Variants in ARID3B observed in about 807,000 individuals in gnomAD.
ARID3B encodes AT-rich interactive domain-containing protein 3B.
In ARID3B, 10 loss-of-function variants were observed where a neutral mutation model predicts 51.9. The ratio of observed to expected loss-of-function variants is 0.19; its 90% CI spans 0.12 to 0.33. The LOEUF is 0.33. Ranked by LOEUF, ARID3B falls within the 10% of genes least tolerant of loss-of-function variation. The pLI is 1.00. For synonymous variants in ARID3B, 205 were observed against 279.5 expected (o/e 0.73, Z 2.66); for missense variants, 483 against 716.3 (o/e 0.67, Z 3.72).
Position 74,597,252 on chromosome 15 carries a change from C to T in ARID3B, c.*1478C>T, listed in dbSNP as rs1055371643. ...CTGTGCTGTAAAGAAAATTGATTCG[C>T]TTGCGGCTCACCTCAGTCGAGGAAG... On this transcript the variant is annotated 3_prime_UTR_variant, in exon 9 of 9. Transcript: ENST00000346246. The T allele has an allele frequency of 3.1e-4, 116 of 377,650 alleles. No homozygotes were observed. Among genetic ancestry groups the T allele is most frequent in the Non-Finnish European group, 5.0e-4 (101 of 202,492 alleles). The allele number at this position is 377,650 out of a possible 1,614,324, so 23.4% of individuals were successfully genotyped here.
In ARID3B at chr15:74,583,052, T is replaced by C. The variant is rs569132809; in HGVS notation, c.698-6768T>C. On this transcript the variant is annotated intron_variant, in intron 4 of 8. Transcript: ENST00000346246. ...CTACCAAAAAAAAAAAAAAAAAAAT[T>C]AGCTGGATGTGGTGGCACCTGCCTG... is the stretch of plus-strand genomic sequence containing the variant. 2.7e-5 allele frequency among the ~76,000 whole-genome samples: 4 copies of C among 149,440 alleles called. No individual in the cohort carries two copies. The East Asian group carries it at 7.9e-4, about 30-fold the overall frequency.
chr15:74,579,870 T>TGTGC (rs1472051801), intron 4 of ARID3B, among the ~76,000 whole-genome samples: 7 of 121,712 alleles, frequency 5.8e-5, no homozygotes, highest in South Asian at 4.8e-4. Context: ...TGTGTGTGTG[T>TGTGC]GTGCGCGCGC....
chr15:74,582,522 C>G (rs2061765702), intron 4 of ARID3B, among the ~76,000 whole-genome samples: 2 of 152,168 alleles, frequency 1.3e-5, no homozygotes, highest in Admixed American at 1.3e-4. Context: ...TACCGTTGAA[C>G]TTCACCTAAA....
At position 74,596,943 on chromosome 15, in the gene ARID3B, C is replaced by T. The variant is rs1340148807; in HGVS notation, c.*1169C>T. ...GGTGGGTGGAGGCATGCAGGGGAGACGACTCAGGGATCGCGGGGGCGGGGA... is the reference window on the plus strand; with the variant it reads ...GGTGGGTGGAGGCATGCAGGGGAGATGACTCAGGGATCGCGGGGGCGGGGA... On this transcript the variant is annotated 3_prime_UTR_variant, in exon 9 of 9. Transcript: ENST00000346246. 5 of 233,822 alleles carry T rather than the reference C, an allele frequency of 2.1e-5. No individual in the cohort carries two copies. Among genetic ancestry groups the T allele is most frequent in the East Asian group, 6.0e-5 (1 of 16,594 alleles). The allele number at this position is 233,822 out of a possible 1,614,324, so 14.5% of individuals were successfully genotyped here.
chr15:74,594,317 G>A (rs1335271282), intron 8 of ARID3B, among the ~76,000 whole-genome samples: 5 of 152,088 alleles, frequency 3.3e-5, no homozygotes, highest in Middle Eastern at 6.4e-3. Context: ...GCGTGGGGGC[G>A]GGTGCCTGTA....
chr15:74,546,837 C>T (rs1472470218), intron 2 of ARID3B, among the ~76,000 whole-genome samples: 2 of 152,146 alleles, frequency 1.3e-5, no homozygotes, highest in African/African-American at 2.4e-5. Flanking sequence ...TGACTTAAAC[C>T]GTCAGATGTG....
At chr15:74,564,831 G>C (rs1018844329) in intron 2 of ARID3B, among the ~76,000 whole-genome samples, 3 of 151,874 alleles carry the variant, frequency 2.0e-5, no homozygotes, top group African/African-American at 7.3e-5. Flanking sequence ...AAACTCCTGG[G>C]CTCAAGTGAT....
At position 74,552,083 on chromosome 15, in the gene ARID3B, A is replaced by C. The variant is rs1596250969; in HGVS notation, c.552+7595A>C. Among the ~76,000 whole-genome samples the C allele has an allele frequency of 4.9e-5, 5 of 101,440 alleles. No homozygotes were observed. In the South Asian group the frequency reaches 1.8e-3, roughly 36 times the overall value. 66.5% of individuals were successfully genotyped at this position (101,440 alleles called of 152,430 possible). Reference sequence around the variant, plus strand: ...TTTTTTTTTTTTTTTTTTTTCTGAGACGGAGTCTCGCTCTGCCGCCCAGGC... The same window carrying C: ...TTTTTTTTTTTTTTTTTTTTCTGAGCCGGAGTCTCGCTCTGCCGCCCAGGC... On this transcript the variant is annotated intron_variant, in intron 2 of 8. Coordinates refer to ENST00000346246, the MANE Select transcript of ARID3B (RefSeq NM_006465.4).
chr15:74,566,466 G>T (rs769656580), intron 2 of ARID3B, among the ~76,000 whole-genome samples: 6 of 151,992 alleles, frequency 3.9e-5, no homozygotes, highest in Non-Finnish European at 7.4e-5. Flanking sequence ...AGCTGGGCAT[G>T]GTGGCGCGTG....
chr15:74,587,473 G>A (rs2061785738), intron 4 of ARID3B, among the ~76,000 whole-genome samples: 1 of 152,178 alleles, frequency 6.6e-6, no homozygotes, highest in African/African-American at 2.4e-5. Context: ...GTGGGGAAAG[G>A]GAGCTAGTTT....
chr15:74,559,837 A>C (rs2061672350), intron 2 of ARID3B, among the ~76,000 whole-genome samples: 1 of 152,002 alleles, frequency 6.6e-6, no homozygotes, highest in Admixed American at 6.6e-5. Flanking sequence ...GATTTAATAT[A>C]ACTATAAACA....
At position 74,543,946 on chromosome 15, in the gene ARID3B, C is replaced by T. The variant is rs765768391; in HGVS notation, c.10C>T (p.Leu4Phe). The T allele has an allele frequency of 1.2e-6, 2 of 1,611,424 alleles. No homozygotes were observed. The highest frequency in any genetic ancestry group is 1.1e-5 in the South Asian group (1 of 90,696). Reference sequence around the variant, plus strand: ...GAAGCTTGAGGCAAAAATGGAGCCACTTCAGCAGCAGCAGCAGCAGCAGCA... The same window carrying T: ...GAAGCTTGAGGCAAAAATGGAGCCATTTCAGCAGCAGCAGCAGCAGCAGCA... MEP[L>F]QQQQQQQQQQ... The change falls in exon 2 of 9, where the codon CTT becomes TTT. Residue 4 changes from leucine to phenylalanine, a missense_variant. Physicochemically the swap from Leu to Phe is conservative, Grantham distance 22. Coordinates refer to ENST00000346246, the MANE Select transcript of ARID3B (RefSeq NM_006465.4).
intron 4 of ARID3B, 71 bp from the exon 5 acceptor site, chr15:74,589,749 G>A: frequency 6.9e-7 from 1 of 1,458,536 alleles, no homozygotes. Context: ...CTAAAGGTGG[G>A]CATACACGGA....
intron 2 of ARID3B, among the ~76,000 whole-genome samples, chr15:74,562,095 GGTGTATTAA>G (rs2061681327): frequency 6.6e-6 from 1 of 150,654 alleles, no homozygotes; most frequent in African/African-American, 2.4e-5. Flanking sequence ...TAGTAGGCTA[GGTGTATTAA>G]ATGCATTTCC....
In ARID3B at chr15:74,591,929, C is replaced by T; in HGVS notation, c.1420+115C>T. 1 of 1,468,840 alleles carries T rather than the reference C, an allele frequency of 6.8e-7. No individual in the cohort carries two copies. The highest frequency in any genetic ancestry group is 1.4e-5 in the South Asian group (1 of 73,548). The allele number at this position is 1,468,840 out of a possible 1,614,324, so 91.0% of individuals were successfully genotyped here. A position where few individuals can be genotyped will look rare whatever the true frequency, so the allele number is the denominator to read the frequency against. On this transcript the variant is annotated intron_variant, in intron 7 of 8. Coordinates refer to ENST00000346246, the MANE Select transcript of ARID3B (RefSeq NM_006465.4). The surrounding 1 kb of genome is among the most constrained non-coding windows in gnomAD (Gnocchi z 5.8). ...CACATACTCCTGACCTGGAAGAGGC[C>T]CCTCCAGGTTCTGCCTTCCAGGCCC...
At chr15:74,584,630 C>G (rs1567125514) in intron 4 of ARID3B, among the ~76,000 whole-genome samples, 1 of 152,224 alleles carries the variant, frequency 6.6e-6, no homozygotes, top group Non-Finnish European at 1.5e-5. Flanking sequence ...CTTCAACACT[C>G]TTACCATCTC....
At chr15:74,589,323 C>T (rs2061794797) in intron 4 of ARID3B, among the ~76,000 whole-genome samples, 1 of 151,968 alleles carries the variant, frequency 6.6e-6, no homozygotes, top group African/African-American at 2.4e-5. Flanking sequence ...GCCACCGCAC[C>T]CAGCCAGCGA....
chr15:74,573,388 T>C (rs537169485), intron 4 of ARID3B, 184 bp downstream of exon 4: 1 of 644,480 alleles, frequency 1.6e-6, no homozygotes, highest in East Asian at 2.7e-5. Flanking sequence ...ACAGAGAAGG[T>C]GTTGGCACAA....
intron 4 of ARID3B, among the ~76,000 whole-genome samples, chr15:74,580,120 G>A (rs2141471876): frequency 6.6e-6 from 1 of 152,298 alleles, no homozygotes; most frequent in African/African-American, 2.4e-5. Context: ...GAACCTGGGA[G>A]GCAGAGGTTG....
Sources: gnomAD v4.1 joint callset for allele counts (sites outside exome capture counted in the v4.1 genomes callset) on GRCh38, gnomAD v4.1.1 for gene constraint, Gnocchi (gnomAD v3.1) non-coding constraint, MANE v1.5 for transcripts, NCBI Gene and HGNC (gene_info 2026-07-23, HGNC 2026-07-21) for gene names.